ZNF804B: variants seen among roughly 807,000 people sequenced by gnomAD.
ZNF804B encodes zinc finger protein 804B.
Under a neutral mutation model 101.4 loss-of-function variants are expected in ZNF804B, and 80 were observed. That is an observed-to-expected ratio of 0.79 (90% CI 0.66 to 0.95). The LOEUF is 0.95. Ranked by LOEUF, ZNF804B falls within the 40% of genes least tolerant of loss-of-function variation. The pLI is 0.00. For missense variants in ZNF804B, 1,673 were observed against 1,561.9 expected, an observed-to-expected ratio of 1.07 and a Z score of -1.20; for synonymous variants, 622 against 558.8, an observed-to-expected ratio of 1.11 and a Z score of -1.59.
chr7:89,326,481 G>C (rs1562946396), intron 2 of ZNF804B, among the ~76,000 whole-genome samples: 1 of 152,060 alleles, frequency 6.6e-6, no homozygotes, highest in East Asian at 1.9e-4. Context: ...TATGGGAAGT[G>C]AAAATAATTT....
chr7:88,923,098 C>T (rs1792748202), intron 1 of ZNF804B, among the ~76,000 whole-genome samples: 1 of 152,004 alleles, frequency 6.6e-6, no homozygotes, highest in Non-Finnish European at 1.5e-5. Flanking sequence ...AATTTCATTA[C>T]TGGCATCTGG....
chr7:88,771,159 G>T (rs1375692381), intron 1 of ZNF804B, among the ~76,000 whole-genome samples: 1 of 152,006 alleles, frequency 6.6e-6, no homozygotes, highest in Non-Finnish European at 1.5e-5. Flanking sequence ...ATCATTTTAA[G>T]GGGATATTTT....
At chr7:89,137,212 C>T (rs564557547) in intron 1 of ZNF804B, among the ~76,000 whole-genome samples, 16 of 152,052 alleles carry the variant, frequency 1.1e-4, no homozygotes, top group African/African-American at 2.9e-4. Context: ...GGGGCTGGAA[C>T]GGTTTGGAGT....
intron 1 of ZNF804B, among the ~76,000 whole-genome samples, chr7:88,852,791 T>C (rs1791466571): frequency 6.6e-6 from 1 of 152,050 alleles, no homozygotes; most frequent in Non-Finnish European, 1.5e-5. Flanking sequence ...AATTCACACA[T>C]CTAGTAAATG....
chr7:88,887,311 T>C (rs191445053), intron 1 of ZNF804B, among the ~76,000 whole-genome samples: 1 of 140,710 alleles, frequency 7.1e-6, no homozygotes, highest in East Asian at 2.2e-4. Context: ...TTTGTTTAAG[T>C]TCCATATAGA....
chr7:89,065,885 C>T (rs771081388), intron 1 of ZNF804B, among the ~76,000 whole-genome samples: 1 of 152,120 alleles, frequency 6.6e-6, no homozygotes, highest in Non-Finnish European at 1.5e-5. Context: ...CTCCTGATAA[C>T]CCAGGATAAT....
chr7:89,321,460 CAG>C (rs1790819029), intron 2 of ZNF804B, among the ~76,000 whole-genome samples: 1 of 152,058 alleles, frequency 6.6e-6, no homozygotes, highest in African/African-American at 2.4e-5. Context: ...GCTTGGGCAA[CAG>C]AGCGAGACCC....
chr7:89,081,988 T>C (rs1789704490), intron 1 of ZNF804B, among the ~76,000 whole-genome samples: 1 of 151,922 alleles, frequency 6.6e-6, no homozygotes. Flanking sequence ...TATTCACCCA[T>C]TCTCATAATT....
chr7:88,904,570 TTCCAA>T (rs1465427660), intron 1 of ZNF804B, among the ~76,000 whole-genome samples: 6 of 152,194 alleles, frequency 3.9e-5, no homozygotes, highest in African/African-American at 1.4e-4. Flanking sequence ...ATATTGATTC[TTCCAA>T]TCCATGAGCA....
chr7:89,195,893 A>AT (rs55773962), intron 1 of ZNF804B, among the ~76,000 whole-genome samples: 2 of 151,586 alleles, frequency 1.3e-5, no homozygotes, highest in African/African-American at 2.4e-5. Context: ...CACTGCTCAA[A>AT]AAATCAGAGA....
chr7:88,811,152 T>C (rs1014620839), intron 1 of ZNF804B, among the ~76,000 whole-genome samples: 4 of 152,172 alleles, frequency 2.6e-5, no homozygotes, highest in Non-Finnish European at 5.9e-5. Context: ...GTTAATTCTC[T>C]GACCAAACCT....
intron 1 of ZNF804B, among the ~76,000 whole-genome samples, chr7:88,991,480 G>A (rs367839382): frequency 1.8e-4 from 28 of 152,278 alleles, no homozygotes; most frequent in African/African-American, 3.8e-4. Flanking sequence ...GATCCTTCCC[G>A]TGAGCCTGCT....
chr7:88,859,752 A>C (rs998617804), intron 1 of ZNF804B, among the ~76,000 whole-genome samples: 2 of 151,946 alleles, frequency 1.3e-5, no homozygotes, highest in Admixed American at 1.3e-4. Context: ...ATGCATATGG[A>C]AATATAGTGT....
At chr7:88,925,385 A>G (rs1311563078) in intron 1 of ZNF804B, among the ~76,000 whole-genome samples, 2 of 152,162 alleles carry the variant, frequency 1.3e-5, no homozygotes, top group Non-Finnish European at 2.9e-5. Context: ...TTTGAAGATA[A>G]GATCTCTAAA....
chr7:89,249,563 T>A (rs917429132), intron 2 of ZNF804B, among the ~76,000 whole-genome samples: 3 of 151,788 alleles, frequency 2.0e-5, no homozygotes, highest in Non-Finnish European at 4.4e-5. Context: ...AAGGCAGAAA[T>A]TAAAAAAAAT....
chr7:89,048,914 T>C (rs745837941), intron 1 of ZNF804B, among the ~76,000 whole-genome samples: 1 of 151,934 alleles, frequency 6.6e-6, no homozygotes, highest in Non-Finnish European at 1.5e-5. Context: ...GTCTTAAATA[T>C]GGAATTTGTA....
chr7:88,913,862 T>C (rs762239050), intron 1 of ZNF804B, among the ~76,000 whole-genome samples: 1 of 152,248 alleles, frequency 6.6e-6, no homozygotes, highest in Non-Finnish European at 1.5e-5. Context: ...AGCCCAACTT[T>C]ACTTTTGTGA....
At chr7:89,223,158 A>G (rs1316157674) in intron 2 of ZNF804B, among the ~76,000 whole-genome samples, 2 of 151,898 alleles carry the variant, frequency 1.3e-5, no homozygotes, top group African/African-American at 4.8e-5. Context: ...TAACGTGAAC[A>G]GTTGCCATAA....
chr7:88,851,452 A>T (rs1304999445), intron 1 of ZNF804B, among the ~76,000 whole-genome samples: 1 of 152,098 alleles, frequency 6.6e-6, no homozygotes, highest in Non-Finnish European at 1.5e-5. Context: ...GAAACAATGC[A>T]AGCTAAAAGA....
Sources: allele counts gnomAD v4.1 joint callset (sites outside exome capture counted in the v4.1 genomes callset), GRCh38; gene constraint gnomAD v4.1.1; transcripts MANE v1.5; gene names NCBI Gene and HGNC (gene_info 2026-07-23, HGNC 2026-07-21).